The following ADCY8 variants were observed in gnomAD, a reference collection of about 807,000 sequenced individuals.
ADCY8 encodes adenylate cyclase type 8.
A neutral mutation model predicts 119.7 loss-of-function variants in ADCY8; 51 were observed. That is an observed-to-expected ratio of 0.43 (90% CI 0.34 to 0.54). The LOEUF is 0.54. ADCY8 is among the 20% of genes least tolerant of loss of function. The pLI, the probability that ADCY8 is intolerant of heterozygous loss-of-function variation, is 0.03. For synonymous variants in ADCY8, 665 were observed against 651.0 expected (o/e 1.02, Z -0.33); for missense variants, 1,383 against 1,598.8 (o/e 0.87, Z 2.30).
At chr8:131,009,864 T>G (rs1298763860) in intron 1 of ADCY8, among the ~76,000 whole-genome samples, 1 of 152,086 alleles carries the variant, frequency 6.6e-6, no homozygotes. Flanking sequence ...CGGGAAGCAT[T>G]TGGGGAGGTA....
At chr8:130,856,721 C>T (rs936718888) in intron 9 of ADCY8, among the ~76,000 whole-genome samples, 1 of 152,128 alleles carries the variant, frequency 6.6e-6, no homozygotes, top group African/African-American at 2.4e-5. Flanking sequence ...TAAGTAGCTA[C>T]ATATATAGTA....
intron 12 of ADCY8, among the ~76,000 whole-genome samples, chr8:130,822,808 T>C (rs11998329): frequency 0.11 from 17,245 of 152,212 alleles, 1,192 homozygotes; most frequent in African/African-American, 0.19. Context: ...GGAAAGGTCA[T>C]TTAACATCTC....
intron 1 of ADCY8, among the ~76,000 whole-genome samples, chr8:131,029,867 G>C (rs757761043): frequency 1.7e-4 from 25 of 147,336 alleles, no homozygotes; most frequent in Non-Finnish European, 2.7e-4. Context: ...GGTGGGGGTG[G>C]AGTAGGGGGT....
chr8:130,995,639 C>G (rs543118160), intron 1 of ADCY8, among the ~76,000 whole-genome samples: 1 of 152,132 alleles, frequency 6.6e-6, no homozygotes, highest in South Asian at 2.1e-4. Flanking sequence ...CAAATGTCAT[C>G]TCCTCTTCTT....
chr8:130,872,398 G>T (rs1818400388), intron 8 of ADCY8, among the ~76,000 whole-genome samples: 1 of 152,134 alleles, frequency 6.6e-6, no homozygotes, highest in Admixed American at 6.5e-5. Flanking sequence ...AGTGAGTTTT[G>T]CTCTAGAATG....
intron 1 of ADCY8, among the ~76,000 whole-genome samples, chr8:131,018,181 T>C (rs546276647): frequency 6.6e-6 from 1 of 152,200 alleles, no homozygotes; most frequent in Non-Finnish European, 1.5e-5. Context: ...CTGTCTTCTT[T>C]AGCAATTATT....
At chr8:130,874,075 A>T (rs568538563) in intron 8 of ADCY8, among the ~76,000 whole-genome samples, 1 of 152,088 alleles carries the variant, frequency 6.6e-6, no homozygotes, top group Non-Finnish European at 1.5e-5. Context: ...TGGGAGGCCG[A>T]GGTGGGTGGA....
chr8:130,840,865 T>C (rs16904373), intron 11 of ADCY8, among the ~76,000 whole-genome samples: 5,058 of 152,226 alleles, frequency 0.033, 117 homozygotes, highest in South Asian at 0.083. Flanking sequence ...TTCCCAGCAA[T>C]CTCTGATACA....
At chr8:130,829,583 T>C (rs1327826646) in intron 12 of ADCY8, among the ~76,000 whole-genome samples, 3 of 152,210 alleles carry the variant, frequency 2.0e-5, no homozygotes, top group Non-Finnish European at 4.4e-5. Flanking sequence ...AAACATGTTG[T>C]AGATGGTTCA....
At chr8:130,968,531 AAC>A (rs1821832965) in intron 2 of ADCY8, among the ~76,000 whole-genome samples, 1 of 152,178 alleles carries the variant, frequency 6.6e-6, no homozygotes, top group Non-Finnish European at 1.5e-5. Flanking sequence ...CAGTGAAAAA[AAC>A]AGTCTTTGCT....
At chr8:130,951,042 A>C (rs936079434) in intron 3 of ADCY8, among the ~76,000 whole-genome samples, 2 of 152,180 alleles carry the variant, frequency 1.3e-5, no homozygotes, top group African/African-American at 4.8e-5. Context: ...CTTTTGACTG[A>C]AACTAGGAAA....
intron 9 of ADCY8, among the ~76,000 whole-genome samples, chr8:130,865,113 A>G (rs1453297780): frequency 6.6e-6 from 1 of 152,144 alleles, no homozygotes; most frequent in East Asian, 1.9e-4. Context: ...CTCAGAAAGA[A>G]TCTGTGTCTT....
chr8:130,844,217 A>C (rs956822292), intron 11 of ADCY8, among the ~76,000 whole-genome samples: 8 of 152,178 alleles, frequency 5.3e-5, no homozygotes, highest in Non-Finnish European at 1.2e-4. Context: ...CAGATGTTTG[A>C]GATAATGACA....
At chr8:131,035,434 A>G (rs373858522) in intron 1 of ADCY8, among the ~76,000 whole-genome samples, 58 of 152,270 alleles carry the variant, frequency 3.8e-4, no homozygotes, top group African/African-American at 1.3e-3. Context: ...GTAGTGTGTT[A>G]ATTGAGTAGA....
intron 1 of ADCY8, among the ~76,000 whole-genome samples, chr8:130,998,952 G>A (rs1207506668): frequency 1.3e-5 from 2 of 152,138 alleles, no homozygotes; most frequent in African/African-American, 2.4e-5. Context: ...TTTTTAGGAA[G>A]CTCCCAAGTC....
intron 15 of ADCY8, among the ~76,000 whole-genome samples, chr8:130,796,817 C>G (rs114983281): frequency 0.012 from 1,754 of 149,714 alleles, 36 homozygotes; most frequent in African/African-American, 0.042. Flanking sequence ...TGCCTCTCTT[C>G]CCTCTCCTCT....
intron 15 of ADCY8, among the ~76,000 whole-genome samples, chr8:130,788,572 G>A (rs564058884): frequency 6.6e-6 from 1 of 152,164 alleles, no homozygotes; most frequent in African/African-American, 2.4e-5. Context: ...GCACAGTAGA[G>A]TGACTATAAT....
At chr8:130,865,218 A>G (rs912176297) in intron 9 of ADCY8, among the ~76,000 whole-genome samples, 1 of 152,006 alleles carries the variant, frequency 6.6e-6, no homozygotes, top group Admixed American at 6.6e-5. Flanking sequence ...TCAATCTTTT[A>G]AATTTTCTTT....
Position 130,954,850 on chromosome 8 carries a change from G to A in ADCY8, c.1111-2852C>T, listed in dbSNP as rs143861855. On this transcript the variant is annotated intron_variant, in intron 2 of 17. Coordinates refer to ENST00000286355, the MANE Select transcript of ADCY8 (RefSeq NM_001115.3). ...TGATCCACATGGCTCTTAGAAAATT[G>A]TAAATTAAGGCAGCACGTGGGATAT... 7.7e-3 allele frequency among the ~76,000 whole-genome samples: 1,178 copies of A among 152,280 alleles called. 20 individuals carry two copies. The highest frequency in any genetic ancestry group is 0.026 in the African/African-American group (1,091 of 41,550).
Sources: gnomAD v4.1 joint callset for allele counts (sites outside exome capture counted in the v4.1 genomes callset) on GRCh38, gnomAD v4.1.1 for gene constraint, MANE v1.5 for transcripts, NCBI Gene and HGNC (gene_info 2026-07-23, HGNC 2026-07-21) for gene names.